Variants in ANKS1B observed in about 807,000 individuals in gnomAD.
The protein encoded by ANKS1B is ankyrin repeat and sterile alpha motif domain containing 1B.
A neutral mutation model predicts 148.3 loss-of-function variants in ANKS1B; 36 were observed. That is an observed-to-expected ratio of 0.24 (90% CI 0.19 to 0.32). The LOEUF is 0.32. Ranked by LOEUF, ANKS1B falls within the 10% of genes least tolerant of loss-of-function variation. ANKS1B has a pLI of 1.00. For synonymous variants in ANKS1B, 542 were observed against 560.8 expected (o/e 0.97, Z 0.47); for missense variants, 1,157 against 1,542.6 (o/e 0.75, Z 4.19).
chr12:98,893,333 G>C (rs1428757950), intron 17 of ANKS1B, among the ~76,000 whole-genome samples: 1 of 152,096 alleles, frequency 6.6e-6, no homozygotes. Context: ...TTACGGACTC[G>C]AATAACCCAG....
At chr12:99,398,254 C>T (rs529081313) in intron 12 of ANKS1B, among the ~76,000 whole-genome samples, 1 of 152,148 alleles carries the variant, frequency 6.6e-6, no homozygotes, top group Non-Finnish European at 1.5e-5. Context: ...AAAATCTTAG[C>T]TTTATTCCTA....
intron 1 of ANKS1B, among the ~76,000 whole-genome samples, chr12:99,935,099 A>C (rs7976437): frequency 0.61 from 92,225 of 151,950 alleles, 29,187 homozygotes; most frequent in African/African-American, 0.7. Flanking sequence ...AACAAAGTTA[A>C]ACGTAAGAGA....
intron 14 of ANKS1B, among the ~76,000 whole-genome samples, chr12:99,225,453 A>G (rs2085764814): frequency 1.3e-5 from 2 of 152,142 alleles, no homozygotes; most frequent in South Asian, 4.1e-4. Context: ...ATTTGATTGG[A>G]CTGAAGGATG....
intron 8 of ANKS1B, among the ~76,000 whole-genome samples, chr12:99,731,423 T>TGTGTGC (rs1457835080): frequency 3.1e-5 from 3 of 95,690 alleles, no homozygotes; most frequent in Non-Finnish European, 7.9e-5. Context: ...CGTGTGTGTG[T>TGTGTGC]GTGTGTGTGT....
intron 14 of ANKS1B, among the ~76,000 whole-genome samples, chr12:99,171,332 A>G (rs1427856953): frequency 6.6e-6 from 1 of 152,216 alleles, no homozygotes; most frequent in Non-Finnish European, 1.5e-5. Context: ...TCCTCCTGAT[A>G]AAAGGATAGC....
At chr12:98,895,061 T>C in intron 17 of ANKS1B, 10 of 948,640 alleles carry the variant, frequency 1.1e-5, no homozygotes, top group Non-Finnish European at 1.3e-5. Flanking sequence ...TCTCCATTGT[T>C]CCGCGGCTGC....
chr12:99,781,435 G>A (rs952531459), intron 5 of ANKS1B, among the ~76,000 whole-genome samples: 5 of 151,972 alleles, frequency 3.3e-5, no homozygotes, highest in Admixed American at 1.3e-4. Context: ...CTTAATTCTA[G>A]CTCTATTTCA....
chr12:98,928,136 A>G (rs979589771), intron 17 of ANKS1B, among the ~76,000 whole-genome samples: 1 of 151,784 alleles, frequency 6.6e-6, no homozygotes, highest in Non-Finnish European at 1.5e-5. Context: ...AAAACAAAAG[A>G]TTATAAGGGA....
chr12:99,636,696 C>T (rs2153411910), intron 9 of ANKS1B, among the ~76,000 whole-genome samples: 1 of 152,224 alleles, frequency 6.6e-6, no homozygotes. Flanking sequence ...TTGTCTTGTT[C>T]AACCTCAACT....
chr12:99,006,190 T>C (rs981794723), intron 17 of ANKS1B, among the ~76,000 whole-genome samples: 7 of 152,290 alleles, frequency 4.6e-5, no homozygotes, highest in Admixed American at 3.3e-4. Context: ...CATGGAGCTT[T>C]GACCAAAGTT....
At chr12:99,976,674 T>A (rs2153842801) in intron 1 of ANKS1B, among the ~76,000 whole-genome samples, 1 of 152,328 alleles carries the variant, frequency 6.6e-6, no homozygotes, top group Admixed American at 6.5e-5. Flanking sequence ...CAAATAACTC[T>A]ACTGCACAGC....
At chr12:99,856,680 C>T (rs975830145) in intron 1 of ANKS1B, among the ~76,000 whole-genome samples, 5 of 152,156 alleles carry the variant, frequency 3.3e-5, no homozygotes, top group African/African-American at 1.2e-4. Flanking sequence ...AAAAGATAAT[C>T]CACCACAATC....
chr12:99,645,156 TTC>T (rs1214504479), intron 9 of ANKS1B, among the ~76,000 whole-genome samples: 4 of 152,204 alleles, frequency 2.6e-5, no homozygotes, highest in Non-Finnish European at 4.4e-5. Flanking sequence ...ATTAACTGAT[TTC>T]TGTTTAAAAT....
chr12:98,811,468 A>G (rs2099095155), intron 19 of ANKS1B, among the ~76,000 whole-genome samples: 1 of 152,130 alleles, frequency 6.6e-6, no homozygotes, highest in Non-Finnish European at 1.5e-5. Flanking sequence ...TCAGCTCGGT[A>G]GGTGCTATGT....
intron 19 of ANKS1B, among the ~76,000 whole-genome samples, chr12:98,825,873 T>C (rs2099244917): frequency 6.6e-6 from 1 of 152,242 alleles, no homozygotes; most frequent in Non-Finnish European, 1.5e-5. Context: ...AATTAAAAGC[T>C]GATCTGCCAT....
At chr12:99,774,151 A>C (rs1207863905) in intron 7 of ANKS1B, among the ~76,000 whole-genome samples, 1 of 152,142 alleles carries the variant, frequency 6.6e-6, no homozygotes, top group Non-Finnish European at 1.5e-5. Flanking sequence ...TCAAACTAAG[A>C]AGCTTCTGCA....
chr12:99,531,417 T>TACACAGTACACCACACA (rs2096989393), intron 9 of ANKS1B, among the ~76,000 whole-genome samples: 1 of 152,226 alleles, frequency 6.6e-6, no homozygotes, highest in Non-Finnish European at 1.5e-5. Flanking sequence ...TACACCTTTG[T>TACACAGTACACCACACA]GTACCTATAA....
At chr12:99,552,979 A>T (rs2097237239) in intron 9 of ANKS1B, among the ~76,000 whole-genome samples, 1 of 152,220 alleles carries the variant, frequency 6.6e-6, no homozygotes, top group Non-Finnish European at 1.5e-5. Flanking sequence ...CCCATGGTTG[A>T]TGAATCCATG....
At chr12:99,694,196 G>T (rs555446990) in intron 8 of ANKS1B, among the ~76,000 whole-genome samples, 4 of 150,912 alleles carry the variant, frequency 2.7e-5, no homozygotes, top group African/African-American at 9.7e-5. Flanking sequence ...AGCACTTTGG[G>T]AGGCTGAGGT....
Sources: gnomAD v4.1 joint callset for allele counts (sites outside exome capture counted in the v4.1 genomes callset) on GRCh38, gnomAD v4.1.1 for gene constraint, MANE v1.5 for transcripts, NCBI Gene and HGNC (gene_info 2026-07-23, HGNC 2026-07-21) for gene names.